GRID1: variants seen among roughly 807,000 people sequenced by gnomAD.
GRID1 encodes the protein glutamate ionotropic receptor delta type subunit 1, also known as glutamate receptor ionotropic, delta-1.
In GRID1, 28 loss-of-function variants were observed where a neutral mutation model predicts 98.0. That is an observed-to-expected ratio of 0.29 (90% CI 0.21 to 0.39). The LOEUF (loss-of-function observed/expected upper bound fraction) is 0.39. GRID1 is among the 10% of genes least tolerant of loss of function. GRID1 has a pLI of 1.00. For synonymous variants in GRID1, 553 were observed against 538.5 expected (o/e 1.03, Z -0.37); for missense variants, 1,111 against 1,340.5 (o/e 0.83, Z 2.67).
intron 3 of GRID1, among the ~76,000 whole-genome samples, chr10:86,155,300 AT>A (rs1192461429): frequency 3.3e-5 from 5 of 152,180 alleles, no homozygotes; most frequent in Non-Finnish European, 7.3e-5. Context: ...CCAACCTGCC[AT>A]TCTTCAAGAT....
chr10:85,678,284 A>G (rs535006591), intron 12 of GRID1, among the ~76,000 whole-genome samples: 1 of 152,290 alleles, frequency 6.6e-6, no homozygotes, highest in East Asian at 1.9e-4. Context: ...GCTTCAGCAG[A>G]GGAGTGATTT....
intron 2 of GRID1, among the ~76,000 whole-genome samples, chr10:86,297,054 T>C (rs1847604356): frequency 1.3e-5 from 2 of 152,230 alleles, no homozygotes; most frequent in South Asian, 4.1e-4. Context: ...GACTTTATGT[T>C]ATAAAGATGT....
intron 3 of GRID1, among the ~76,000 whole-genome samples, chr10:86,166,750 T>A (rs538911101): frequency 6.6e-6 from 1 of 152,330 alleles, no homozygotes; most frequent in African/African-American, 2.4e-5. Flanking sequence ...GTGAGCAGAA[T>A]GCAGTTCCCC....
intron 8 of GRID1, among the ~76,000 whole-genome samples, chr10:85,739,337 T>C (rs1195087073): frequency 6.6e-6 from 1 of 151,968 alleles, no homozygotes; most frequent in Non-Finnish European, 1.5e-5. Context: ...CCTAACAACT[T>C]GTGAGGCTAA....
chr10:85,696,387 G>A (rs929606799), intron 12 of GRID1, among the ~76,000 whole-genome samples: 1 of 151,882 alleles, frequency 6.6e-6, no homozygotes, highest in Non-Finnish European at 1.5e-5. Context: ...AAGGATGAGT[G>A]AAATTGGCTA....
At chr10:86,332,115 T>C (rs1333848714) in intron 2 of GRID1, among the ~76,000 whole-genome samples, 1 of 152,172 alleles carries the variant, frequency 6.6e-6, no homozygotes, top group East Asian at 1.9e-4. Context: ...AGGGGTGACT[T>C]CCCCGAGGTC....
intron 12 of GRID1, among the ~76,000 whole-genome samples, chr10:85,651,400 C>G (rs1216047308): frequency 1.3e-5 from 2 of 152,168 alleles, no homozygotes; most frequent in Non-Finnish European, 2.9e-5. Flanking sequence ...GTGATTGGAG[C>G]CTATCTCCTC....
At chr10:85,610,683 G>A (rs187632146) in intron 15 of GRID1, among the ~76,000 whole-genome samples, 1 of 152,314 alleles carries the variant, frequency 6.6e-6, no homozygotes, top group East Asian at 1.9e-4. Context: ...AGACTGCTGG[G>A]CCCAGCTCTC....
chr10:86,304,204 C>T (rs1365774295), intron 2 of GRID1, among the ~76,000 whole-genome samples: 1 of 152,212 alleles, frequency 6.6e-6, no homozygotes, highest in Non-Finnish European at 1.5e-5. Context: ...ATGCATTCTG[C>T]CCCTCGGCTC....
chr10:86,363,116 G>C (rs1268134952), intron 2 of GRID1, among the ~76,000 whole-genome samples: 1 of 152,274 alleles, frequency 6.6e-6, no homozygotes, highest in Non-Finnish European at 1.5e-5. Flanking sequence ...CGAGCTGAAA[G>C]GTTGAAGGGG....
chr10:86,259,983 G>A (rs1846987452), intron 2 of GRID1, among the ~76,000 whole-genome samples: 6 of 152,196 alleles, frequency 3.9e-5, no homozygotes, highest in African/African-American at 1.4e-4. Flanking sequence ...GAATTAATAC[G>A]CTGGCTTGTG....
intron 5 of GRID1, among the ~76,000 whole-genome samples, chr10:85,873,149 C>T (rs963240139): frequency 6.6e-6 from 1 of 152,198 alleles, no homozygotes; most frequent in African/African-American, 2.4e-5. Context: ...TGTCAGGCTG[C>T]ACACACCAGG....
At chr10:85,827,268 A>G (rs891004647) in intron 8 of GRID1, among the ~76,000 whole-genome samples, 2 of 152,206 alleles carry the variant, frequency 1.3e-5, no homozygotes. Flanking sequence ...TGAAGTGGCC[A>G]TTTGAAGAAG....
chr10:85,878,935 G>A (rs1041957909), intron 5 of GRID1, among the ~76,000 whole-genome samples: 7 of 151,922 alleles, frequency 4.6e-5, no homozygotes, highest in African/African-American at 1.7e-4. Flanking sequence ...GATCTACCAA[G>A]CAAATGGAAA....
At chr10:86,129,145 G>A (rs754281173) in intron 4 of GRID1, among the ~76,000 whole-genome samples, 2 of 152,214 alleles carry the variant, frequency 1.3e-5, no homozygotes, top group African/African-American at 4.8e-5. Flanking sequence ...TGGAGACACA[G>A]AGGCAGCCAA....
chr10:85,623,944 G>T (rs1439692762), intron 13 of GRID1, among the ~76,000 whole-genome samples: 1 of 152,208 alleles, frequency 6.6e-6, no homozygotes, highest in African/African-American at 2.4e-5. Context: ...GGAGGAGGAT[G>T]AACCCAGCCA....
intron 8 of GRID1, among the ~76,000 whole-genome samples, chr10:85,852,208 C>A (rs904922847): frequency 2.0e-5 from 3 of 152,132 alleles, no homozygotes; most frequent in African/African-American, 7.2e-5. Flanking sequence ...TTATTAAGGG[C>A]AGATTTTAAA....
intron 13 of GRID1, among the ~76,000 whole-genome samples, chr10:85,626,644 C>A (rs966167614): frequency 6.6e-6 from 1 of 152,168 alleles, no homozygotes; most frequent in Non-Finnish European, 1.5e-5. Context: ...TTTATCCTAA[C>A]GAAGCAGAGT....
At chr10:86,002,080 C>T (rs1425529684) in intron 4 of GRID1, among the ~76,000 whole-genome samples, 1 of 152,202 alleles carries the variant, frequency 6.6e-6, no homozygotes, top group African/African-American at 2.4e-5. Flanking sequence ...CTTATGAGAA[C>T]ACAAGTCATA....
Sources: gnomAD v4.1 joint callset for allele counts (sites outside exome capture counted in the v4.1 genomes callset) on GRCh38, gnomAD v4.1.1 for gene constraint, MANE v1.5 for transcripts, NCBI Gene and HGNC (gene_info 2026-07-23, HGNC 2026-07-21) for gene names.